The following C10orf90 variants were observed in gnomAD, a reference collection of about 807,000 sequenced individuals.
C10orf90 encodes chromosome 10 open reading frame 90.
A neutral mutation model predicts 62.5 loss-of-function variants in C10orf90; 56 were observed. The ratio of observed to expected loss-of-function variants is 0.90; its 90% CI spans 0.72 to 1.12. The LOEUF (loss-of-function observed/expected upper bound fraction) is 1.12, where lower values mean the gene tolerates loss of function less well. Among genes scored for constraint, C10orf90 ranks in the 50% most tolerant of loss-of-function variants. The probability of loss-of-function intolerance (pLI) is 0.00; values close to 1 mark genes in which losing one functional copy is unlikely to be tolerated. For missense variants in C10orf90, 970 were observed against 880.4 expected, an observed-to-expected ratio of 1.10 and a Z score of -1.29; for synonymous variants, 386 against 340.4, an observed-to-expected ratio of 1.13 and a Z score of -1.47.
intron 1 of C10orf90, among the ~76,000 whole-genome samples, chr10:126,666,775 G>A (rs969756733): frequency 6.6e-6 from 1 of 151,852 alleles, no homozygotes; most frequent in East Asian, 2.0e-4. Context: ...TCAGGAGTTC[G>A]AGACCAGCCT....
chr10:126,625,435 T>C (rs538780372), intron 2 of C10orf90, among the ~76,000 whole-genome samples: 57 of 152,292 alleles, frequency 3.7e-4, no homozygotes, highest in Middle Eastern at 3.4e-3. Flanking sequence ...TTTTATAAAA[T>C]ATAGCAGGTG....
Position 126,464,763 on chromosome 10 carries a change from G to A in C10orf90, c.1758C>T (p.Pro586=), listed in dbSNP as rs1224484024. The A allele has an allele frequency of 8.1e-6, 13 of 1,613,964 alleles. No homozygotes were observed. The highest frequency in any genetic ancestry group is 1.1e-5 in the Non-Finnish European group (13 of 1,180,022). ...PRILFPGFLC[P]LQDVCASLQE... is the part of the protein sequence containing the mutation. ...GCAGAGATGCACATACATCTTGTAA[G>A]GGGCAAAGAAACCCAGGAAAAAGGA... Residue 586 remains proline (P), a synonymous_variant, in exon 5 of 10, where the codon CCC becomes CCT. Coordinates refer to ENST00000488181, the MANE Select transcript of C10orf90 (RefSeq NM_001350921.2).
intron 2 of C10orf90, among the ~76,000 whole-genome samples, chr10:126,600,132 C>CGT (rs1845168813): frequency 6.8e-6 from 1 of 146,746 alleles, no homozygotes; most frequent in African/African-American, 2.7e-5. Context: ...CAGGTGTGTG[C>CGT]ATCGCATGTG....
In C10orf90 at chr10:126,531,030, C is replaced by T. The variant is rs544412054; in HGVS notation, c.314-17091G>A. On this transcript the variant is annotated intron_variant, in intron 2 of 9. Coordinates refer to ENST00000488181, the MANE Select transcript of C10orf90 (RefSeq NM_001350921.2). ...CTCTACTAAAAATACAAAAATTAGCCGGGTGTGGTGGCGGGTGCCTGTAAT... is the reference window on the plus strand; with the variant it reads ...CTCTACTAAAAATACAAAAATTAGCTGGGTGTGGTGGCGGGTGCCTGTAAT... Among the ~76,000 whole-genome samples the T allele has an allele frequency of 1.2e-4, 18 of 151,722 alleles. No individual in the cohort carries two copies. In the East Asian group the frequency reaches 1.7e-3, roughly 15 times the overall value.
chr10:126,504,354 G>T lies in C10orf90; in HGVS notation c.1137C>A (p.Ser379Arg). ...ACAGGACGGATCTGTGCATTTTGGG[G>T]CTGGCAATTTGAGGTGGCTCAATGG... ...SVPIEPPQIA[S>R]PKMHRSVLSL... is the part of the protein sequence containing the mutation. Residue 379 changes from serine to arginine, a missense_variant, in exon 4 of 10, where the codon AGC becomes AGA. Physicochemically the swap from Ser to Arg is moderately radical, Grantham distance 110. Transcript: ENST00000488181. This position sits in a 1 kb window ranked among gnomAD's most constrained non-coding sequence, Gnocchi z 4.1. The T allele has an allele frequency of 1.9e-6, 3 of 1,614,182 alleles. No homozygotes were observed. Among genetic ancestry groups the T allele is most frequent in the Non-Finnish European group, 2.5e-6 (3 of 1,180,044 alleles).
At chr10:126,585,801 C>T (rs1165767000) in intron 2 of C10orf90, among the ~76,000 whole-genome samples, 1 of 152,190 alleles carries the variant, frequency 6.6e-6, no homozygotes, top group Non-Finnish European at 1.5e-5. Context: ...ATGCTATAAA[C>T]CACTGGTTCT....
chr10:126,592,524 C>A (rs1260357728), intron 2 of C10orf90, among the ~76,000 whole-genome samples: 12 of 152,162 alleles, frequency 7.9e-5, no homozygotes, highest in Admixed American at 7.2e-4. Context: ...CTTCCTTACA[C>A]CTTATACAAA....
At chr10:126,539,046 A>G (rs1474874648) in intron 2 of C10orf90, among the ~76,000 whole-genome samples, 1 of 152,194 alleles carries the variant, frequency 6.6e-6, no homozygotes, top group Non-Finnish European at 1.5e-5. Flanking sequence ...AGTTGATTAA[A>G]CATCCCCAGC....
intron 4 of C10orf90, among the ~76,000 whole-genome samples, chr10:126,499,953 T>C (rs1024285856): frequency 3.9e-5 from 6 of 152,162 alleles, no homozygotes; most frequent in Non-Finnish European, 8.8e-5. Flanking sequence ...GAAATGTGTC[T>C]AAGTCAATAG....
chr10:126,569,532 C>A (rs1157100760), intron 2 of C10orf90, among the ~76,000 whole-genome samples: 5 of 152,148 alleles, frequency 3.3e-5, no homozygotes, highest in African/African-American at 9.7e-5. Flanking sequence ...CAAACCCAGG[C>A]AGGCCACAGT....
intron 2 of C10orf90, among the ~76,000 whole-genome samples, chr10:126,631,533 T>C (rs1845850385): frequency 6.6e-6 from 1 of 152,084 alleles, no homozygotes; most frequent in South Asian, 2.1e-4. Flanking sequence ...ATGCTTGCCT[T>C]TCCTGAAGCA....
intron 2 of C10orf90, among the ~76,000 whole-genome samples, chr10:126,636,356 G>C (rs1382486063): frequency 3.3e-5 from 5 of 152,148 alleles, no homozygotes; most frequent in Admixed American, 6.5e-5. Flanking sequence ...CACACACAGA[G>C]AGAAAGAGAG....
In C10orf90 at chr10:126,670,290, T is replaced by A. The variant is rs762734983; in HGVS notation, c.191A>T (p.His64Leu). Residue 64 changes from histidine (H) to leucine (L), a missense_variant, in exon 1 of 10, where the codon CAT becomes CTT. Physicochemically the swap from His to Leu is moderately conservative, Grantham distance 99. Coordinates refer to ENST00000488181, the MANE Select transcript of C10orf90 (RefSeq NM_001350921.2). The part of the protein sequence containing the change: ...SQRRAKVCII[H>L]MCQGLKTAEQ... ...AGCCGTCTTCAAGCCTTGACACATA[T>A]GGATGATACAAACTTTGGCTCTTCT... 8.8e-6 allele frequency: 4 copies of A among 456,578 alleles called. No individual in the cohort carries two copies. Among genetic ancestry groups the A allele is most frequent in the African/African-American group, 8.0e-5 (4 of 50,054 alleles). The allele number at this position is 456,578 out of a possible 1,614,324, so 28.3% of individuals were successfully genotyped here.
intron 2 of C10orf90, among the ~76,000 whole-genome samples, chr10:126,579,786 T>G (rs1844708483): frequency 6.6e-6 from 1 of 152,096 alleles, no homozygotes; most frequent in South Asian, 2.1e-4. Flanking sequence ...TGATTCTTAC[T>G]GAGCACTAAA....
rs114755195 is a variant in C10orf90, at chr10:126,577,441, G to C, written c.314-63502C>G. On this transcript the variant is annotated intron_variant, in intron 2 of 9. Transcript: ENST00000488181. ...AAAAATCTTATTTTAATAACATTTA[G>C]AAATCAAAAACCTAGGAATAAACCT... Among the ~76,000 whole-genome samples, 1,379 of 151,886 alleles carry C rather than the reference G, an allele frequency of 9.1e-3. 24 individuals are homozygous for C. Among genetic ancestry groups the C allele is most frequent in the African/African-American group, 0.032 (1,319 of 41,482 alleles).
At chr10:126,563,225 C>T (rs112515081) in intron 2 of C10orf90, among the ~76,000 whole-genome samples, 24 of 152,296 alleles carry the variant, frequency 1.6e-4, no homozygotes, top group African/African-American at 5.3e-4. Context: ...ACTGCAGTAG[C>T]GTGGGGCTAA....
chr10:126,533,986 C>T (rs570593162), intron 2 of C10orf90, among the ~76,000 whole-genome samples: 43 of 152,070 alleles, frequency 2.8e-4, no homozygotes, highest in Non-Finnish European at 5.6e-4. Context: ...AAGCTGGAGC[C>T]GCATTAGACC....
intron 2 of C10orf90, among the ~76,000 whole-genome samples, chr10:126,521,922 G>A (rs1863762133): frequency 1.3e-5 from 2 of 152,180 alleles, no homozygotes; most frequent in Admixed American, 1.3e-4. Flanking sequence ...TTTAAAAAAA[G>A]CACATAATGA....
At chr10:126,489,998 TATATATTATATATATTATATATA>T (rs1441505223) in intron 4 of C10orf90, among the ~76,000 whole-genome samples, 2 of 88,956 alleles carry the variant, frequency 2.2e-5, no homozygotes, top group Non-Finnish European at 4.1e-5. Context: ...TAATATATAT[TATATATTATATATATTATATATA>T]ATATATAATA....
Sources: gnomAD v4.1 joint callset for allele counts (sites outside exome capture counted in the v4.1 genomes callset) on GRCh38, gnomAD v4.1.1 for gene constraint, Gnocchi (gnomAD v3.1) non-coding constraint, MANE v1.5 for transcripts, NCBI Gene and HGNC (gene_info 2026-07-23, HGNC 2026-07-21) for gene names.